The following CDH13 variants were observed in gnomAD, a reference collection of about 807,000 sequenced individuals.
The protein encoded by CDH13 is cadherin-13.
CDH13 carries 24 observed loss-of-function variants against 63.8 expected under a neutral mutation model. That is an observed-to-expected ratio of 0.38 (90% CI 0.27 to 0.53). CDH13 has a LOEUF of 0.53. Among genes scored for constraint, CDH13 ranks in the 20% least tolerant of loss-of-function variants. CDH13 has a pLI of 0.85. For synonymous variants in CDH13, 503 were observed against 355.3 expected, an observed-to-expected ratio of 1.42 and a Z score of -4.67; for missense variants, 1,049 against 903.1, an observed-to-expected ratio of 1.16 and a Z score of -2.07.
intron 7 of CDH13, among the ~76,000 whole-genome samples, chr16:83,499,095 T>C (rs8053260): frequency 0.98 from 149,266 of 152,322 alleles, 73,209 homozygotes; most frequent in East Asian, 1. Flanking sequence ...GGGTTTTTGT[T>C]GGATCTTTGT....
In CDH13 at chr16:83,208,241, T is replaced by TG. The variant is rs1303084536; in HGVS notation, c.484-9102dup. Among the ~76,000 whole-genome samples, 3 of 152,334 alleles carry TG rather than the reference T, an allele frequency of 2.0e-5. No homozygotes were observed. The East Asian group carries it at 5.8e-4, about 29-fold the overall frequency. On this transcript the variant is annotated intron_variant, in intron 4 of 13. Transcript: ENST00000567109. ...TGGCCATGAGCTTTCCTTAGTTCCCTGGCTAATTTATGACCTAGAGGTTGA... is the reference window on the plus strand; with the variant it reads ...TGGCCATGAGCTTTCCTTAGTTCCCTGGGCTAATTTATGACCTAGAGGTTGA...
chr16:83,145,739 C>G (rs900829023), intron 4 of CDH13, among the ~76,000 whole-genome samples: 1 of 152,170 alleles, frequency 6.6e-6, no homozygotes, highest in African/African-American at 2.4e-5. Flanking sequence ...GAGTACTTGT[C>G]ATTGCAAGAC....
intron 1 of CDH13, among the ~76,000 whole-genome samples, chr16:82,702,948 G>A (rs956602495): frequency 6.6e-6 from 1 of 152,114 alleles, no homozygotes; most frequent in Non-Finnish European, 1.5e-5. Flanking sequence ...CCTGTGTGCA[G>A]GGACCTTTTT....
At chr16:83,195,652 T>C (rs148317686) in intron 4 of CDH13, among the ~76,000 whole-genome samples, 157 of 152,062 alleles carry the variant, frequency 1.0e-3, no homozygotes, top group African/African-American at 3.5e-3. Flanking sequence ...TCCTCCAACA[T>C]TGGGGATTAC....
At chr16:83,075,912 C>T (rs2032801440) in intron 3 of CDH13, among the ~76,000 whole-genome samples, 1 of 152,180 alleles carries the variant, frequency 6.6e-6, no homozygotes, top group Non-Finnish European at 1.5e-5. Flanking sequence ...CCTCTAAACA[C>T]ATACGAGGAG....
chr16:82,898,912 C>T (rs1227786741), intron 2 of CDH13, among the ~76,000 whole-genome samples: 1 of 152,226 alleles, frequency 6.6e-6, no homozygotes, highest in African/African-American at 2.4e-5. Context: ...GTATGCTTAA[C>T]TTCACTCAGT....
chr16:82,649,406 G>T (rs1347420845), intron 1 of CDH13, among the ~76,000 whole-genome samples: 1 of 152,126 alleles, frequency 6.6e-6, no homozygotes, highest in Admixed American at 6.5e-5. Context: ...TGGAAAATAG[G>T]GCATTTCAAG....
intron 3 of CDH13, among the ~76,000 whole-genome samples, chr16:83,045,880 G>A (rs1216902083): frequency 6.6e-6 from 1 of 152,212 alleles, no homozygotes; most frequent in Non-Finnish European, 1.5e-5. Flanking sequence ...TCAGGCAGAA[G>A]CCTGAATGTT....
At chr16:83,146,135 A>G (rs975629466) in intron 4 of CDH13, among the ~76,000 whole-genome samples, 35 of 146,594 alleles carry the variant, frequency 2.4e-4, no homozygotes, top group African/African-American at 8.7e-4. Context: ...CAGAAGTTAC[A>G]GTGAGCCAAG....
At chr16:83,005,360 C>G (rs1039038532) in intron 2 of CDH13, among the ~76,000 whole-genome samples, 3 of 152,184 alleles carry the variant, frequency 2.0e-5, no homozygotes, top group African/African-American at 7.2e-5. Context: ...TGTTCATTCT[C>G]ATCTCTTTCC....
chr16:82,914,060 G>A (rs763051101), intron 2 of CDH13, among the ~76,000 whole-genome samples: 5 of 152,010 alleles, frequency 3.3e-5, no homozygotes, highest in African/African-American at 7.3e-5. Flanking sequence ...CAGGATGAGG[G>A]TGGGCATGGA....
At chr16:82,758,433 C>T (rs986200718) in intron 1 of CDH13, among the ~76,000 whole-genome samples, 20 of 151,938 alleles carry the variant, frequency 1.3e-4, no homozygotes, top group Non-Finnish European at 2.2e-4. Context: ...GATACCCCCC[C>T]CCCTTTGCTT....
chr16:82,939,032 G>C (rs1469555745), intron 2 of CDH13, among the ~76,000 whole-genome samples: 1 of 152,200 alleles, frequency 6.6e-6, no homozygotes, highest in Non-Finnish European at 1.5e-5. Context: ...ATCCTGCAAT[G>C]GGAGGTTGTC....
At chr16:83,068,091 A>T (rs2032155614) in intron 3 of CDH13, among the ~76,000 whole-genome samples, 1 of 152,178 alleles carries the variant, frequency 6.6e-6, no homozygotes, top group South Asian at 2.1e-4. Flanking sequence ...TTGGCAAAAC[A>T]AGGGCCCCAC....
chr16:83,027,071 G>A lies in CDH13; in HGVS notation c.158-4939G>A, dbSNP rs568343570. Among the ~76,000 whole-genome samples the A allele has an allele frequency of 1.2e-3, 186 of 151,326 alleles. 1 individual carries two copies. Among genetic ancestry groups the A allele is most frequent in the Middle Eastern group, 3.4e-3 (1 of 294 alleles). On this transcript the variant is annotated intron_variant, in intron 2 of 13. Coordinates refer to ENST00000567109, the MANE Select transcript of CDH13 (RefSeq NM_001257.5). ...TCTTATCCCAATTCACAGCCTTGTC[G>A]GCAGCCTCTTGCTCACAGCACAGAA...
chr16:83,547,050 G>A (rs1027231531), intron 7 of CDH13, among the ~76,000 whole-genome samples: 3 of 152,176 alleles, frequency 2.0e-5, no homozygotes, highest in African/African-American at 7.2e-5. Flanking sequence ...ATCTCCATGT[G>A]TTCACTTTCT....
intron 11 of CDH13, among the ~76,000 whole-genome samples, chr16:83,761,240 G>C (rs1913943184): frequency 6.6e-6 from 1 of 152,220 alleles, no homozygotes; most frequent in Non-Finnish European, 1.5e-5. Context: ...CCCAGAGCTA[G>C]TCTAGATAAT....
At chr16:82,726,330 C>T (rs1438625274) in intron 1 of CDH13, among the ~76,000 whole-genome samples, 1 of 152,150 alleles carries the variant, frequency 6.6e-6, no homozygotes, top group Non-Finnish European at 1.5e-5. Flanking sequence ...AGTATAAAAG[C>T]AGCAAGAAGA....
rs571185839 is a variant in CDH13 at position 83,330,638 on chromosome 16, A to C, written c.637-14224A>C. Among the ~76,000 whole-genome samples the C allele has an allele frequency of 1.2e-3, 180 of 152,346 alleles. 1 individual carries two copies. Among genetic ancestry groups the C allele is most frequent in the Non-Finnish European group, 2.2e-3 (147 of 68,022 alleles). ...GGCAGGGAATGAGAGCCAGAAAAAC[A>C]GAGGCCAACTCAGTACTGAATCCCC... is the stretch of plus-strand genomic sequence containing the variant. On this transcript the variant is annotated intron_variant, in intron 5 of 13. Transcript: ENST00000567109.
Sources: allele counts gnomAD v4.1 joint callset (sites outside exome capture counted in the v4.1 genomes callset), GRCh38; gene constraint gnomAD v4.1.1; transcripts MANE v1.5; gene names NCBI Gene and HGNC (gene_info 2026-07-23, HGNC 2026-07-21).